The following CACNA2D2 variants were observed in gnomAD, a reference collection of about 807,000 sequenced individuals.
CACNA2D2 encodes the protein voltage-dependent calcium channel subunit alpha-2/delta-2.
Under a neutral mutation model 166.4 loss-of-function variants are expected in CACNA2D2, and 48 were observed. That is an observed-to-expected ratio of 0.29 (90% CI 0.23 to 0.37). The LOEUF (loss-of-function observed/expected upper bound fraction) is 0.37. Ranked by LOEUF, CACNA2D2 falls within the 10% of genes least tolerant of loss-of-function variation. The pLI, the probability that CACNA2D2 is intolerant of heterozygous loss-of-function variation, is 1.00. For synonymous variants in CACNA2D2, 561 were observed against 573.7 expected (o/e 0.98, Z 0.32); for missense variants, 1,122 against 1,433.0 (o/e 0.78, Z 3.50).
chr3:50,372,848 G>T (rs1704730821), intron 22 of CACNA2D2, among the ~76,000 whole-genome samples: 1 of 152,084 alleles, frequency 6.6e-6, no homozygotes, highest in Admixed American at 6.5e-5. Context: ...ACACGCCGGA[G>T]AACACCCTGC....
chr3:50,426,784 A>G (rs1707826179), intron 3 of CACNA2D2, among the ~76,000 whole-genome samples: 1 of 151,984 alleles, frequency 6.6e-6, no homozygotes, highest in Non-Finnish European at 1.5e-5. Flanking sequence ...CCCCAAATCC[A>G]CAAGTCAACC....
intron 4 of CACNA2D2, among the ~76,000 whole-genome samples, chr3:50,392,503 CCCTGTGGTCAGGGCTG>C (rs952879825): frequency 6.6e-6 from 1 of 152,158 alleles, no homozygotes; most frequent in Non-Finnish European, 1.5e-5. Context: ...GCCCAGGTGG[CCCTGTGGTCAGGGCTG>C]CCTGTGGTCA....
At chr3:50,489,364 T>A (rs1042227715) in intron 1 of CACNA2D2, among the ~76,000 whole-genome samples, 7 of 152,162 alleles carry the variant, frequency 4.6e-5, no homozygotes, top group African/African-American at 1.7e-4. Context: ...TGAAACATAC[T>A]TCCCCCCGCG....
intron 23 of CACNA2D2, among the ~76,000 whole-genome samples, chr3:50,368,781 C>T (rs587735554): frequency 6.6e-6 from 1 of 152,302 alleles, no homozygotes; most frequent in South Asian, 2.1e-4. Context: ...ACTGGCTGTT[C>T]CCTCTGCCTG....
intron 2 of CACNA2D2, among the ~76,000 whole-genome samples, chr3:50,454,023 C>T (rs1232085299): frequency 6.6e-6 from 1 of 152,192 alleles, no homozygotes; most frequent in Non-Finnish European, 1.5e-5. Flanking sequence ...GGTGCCTGCT[C>T]TGAATGGCCA....
intron 6 of CACNA2D2, among the ~76,000 whole-genome samples, chr3:50,383,160 G>T (rs1457289990): frequency 1.3e-5 from 2 of 152,244 alleles, no homozygotes; most frequent in South Asian, 2.1e-4. Context: ...TAATTAGTGT[G>T]CCTGCCTGTG....
At chr3:50,423,286 G>A (rs999289701) in intron 3 of CACNA2D2, among the ~76,000 whole-genome samples, 2 of 152,184 alleles carry the variant, frequency 1.3e-5, no homozygotes, top group South Asian at 2.1e-4. Flanking sequence ...TCCTCTCCTC[G>A]GAGGCTGCCA....
chr3:50,460,534 G>A (rs1385871635), intron 2 of CACNA2D2, among the ~76,000 whole-genome samples: 1 of 152,024 alleles, frequency 6.6e-6, no homozygotes, highest in East Asian at 1.9e-4. Flanking sequence ...ATTGTGGCAA[G>A]AATGAAACAA....
chr3:50,468,796 T>A (rs1308794558), intron 2 of CACNA2D2, among the ~76,000 whole-genome samples: 2 of 151,408 alleles, frequency 1.3e-5, no homozygotes, highest in African/African-American at 4.9e-5. Flanking sequence ...TGGCTTTGTA[T>A]GACTCCCTAC....
intron 2 of CACNA2D2, among the ~76,000 whole-genome samples, chr3:50,440,229 G>T (rs976351509): frequency 1.3e-5 from 2 of 152,220 alleles, no homozygotes; most frequent in African/African-American, 2.4e-5. Flanking sequence ...CCCAGGAGGG[G>T]GCTAAGGCCT....
At chr3:50,381,606 C>T (rs1023003754) in intron 6 of CACNA2D2, among the ~76,000 whole-genome samples, 3 of 145,532 alleles carry the variant, frequency 2.1e-5, no homozygotes, top group African/African-American at 7.7e-5. Flanking sequence ...GGAAGCCACT[C>T]AGCTCCATGA....
chr3:50,400,445 C>A (rs1380991218), intron 3 of CACNA2D2, among the ~76,000 whole-genome samples: 1 of 152,268 alleles, frequency 6.6e-6, no homozygotes, highest in Non-Finnish European at 1.5e-5. Context: ...ACAGTGCCTG[C>A]TACATGCATG....
intron 1 of CACNA2D2, among the ~76,000 whole-genome samples, chr3:50,476,929 CTT>C (rs61469495): frequency 2.1e-4 from 29 of 135,190 alleles, no homozygotes; most frequent in African/African-American, 3.2e-4. Context: ...GTTTCTTTTT[CTT>C]TTTTTTTTTT....
At chr3:50,368,065 C>T (rs1370353820) in intron 24 of CACNA2D2, 73 bp downstream of exon 24, 1 of 1,269,490 alleles carries the variant, frequency 7.9e-7, no homozygotes, top group Non-Finnish European at 1.2e-6. Context: ...CCTGCCCGGC[C>T]TCTGGGTTCC....
At chr3:50,402,995 A>G (rs2236957) in intron 3 of CACNA2D2, among the ~76,000 whole-genome samples, 43,888 of 151,938 alleles carry the variant, frequency 0.29, 8,905 homozygotes, top group African/African-American at 0.54. Flanking sequence ...TTCTAGAGAT[A>G]TGTGTGGGCA....
rs1488656141 is a variant in CACNA2D2, at chr3:50,380,760, C to T, written c.830G>A (p.Arg277Gln). The T allele has an allele frequency of 2.6e-6, 4 of 1,544,218 alleles. No individual in the cohort carries two copies. The highest frequency in any genetic ancestry group is 1.4e-5 in the African/African-American group (1 of 72,328). Reference protein sequence around the residue: ...APKKIDLYDVRRRPWYIQGAS... With the variant: ...APKKIDLYDVQRRPWYIQGAS... ...CTTGCTCGCTCACCAGGGTCTCCTT[C>T]GGACATCGTACAGGTCGATCTTCTT... is the stretch of plus-strand genomic sequence containing the variant. Residue 277 changes from arginine to glutamine, a missense_variant, in exon 8 of 38, where the codon CGA becomes CAA. Arg to Gln is a conservative substitution (Grantham distance 43). Around this residue, in one of 2 missense-constraint regions of CACNA2D2, gnomAD observed 840 missense variants for 1,166.8 expected, o/e 0.72. Coordinates refer to ENST00000424201, the MANE Select transcript of CACNA2D2 (RefSeq NM_006030.4). This position sits in a 1 kb window ranked among gnomAD's most constrained non-coding sequence, Gnocchi z 4.9.
At position 50,381,064 on chromosome 3, in the gene CACNA2D2, G is replaced by A. The variant is rs750610434; in HGVS notation, c.715C>T (p.Arg239Cys). ...CACAGCAGTGTGGGGTCTTGTCTGC[G>A]GTTTTCCATGAACACATTCTCCAGG... ...EALENVFMEN[R>C]RQDPTLLWQV... Residue 239 changes from arginine (R) to cysteine (C), a missense_variant, in exon 7 of 38, where the codon CGC (arginine) becomes TGC (cysteine). Arg to Cys is a radical substitution (Grantham distance 180). Around this residue, in one of 2 missense-constraint regions of CACNA2D2, gnomAD observed 840 missense variants for 1,166.8 expected, o/e 0.72. Transcript: ENST00000424201. The A allele has an allele frequency of 2.5e-6, 4 of 1,613,980 alleles. No individual in the cohort carries two copies. Among genetic ancestry groups the A allele is most frequent in the Non-Finnish European group, 1.7e-6 (2 of 1,179,946 alleles).
chr3:50,434,132 T>C (rs1057047818), intron 3 of CACNA2D2, among the ~76,000 whole-genome samples, 181 bp downstream of exon 3: 1 of 152,178 alleles, frequency 6.6e-6, no homozygotes, highest in African/African-American at 2.4e-5. Context: ...CTCCAGATAG[T>C]ATCATCCTGT....
chr3:50,486,799 G>A (rs1027812894), intron 1 of CACNA2D2, among the ~76,000 whole-genome samples: 21 of 152,168 alleles, frequency 1.4e-4, no homozygotes, highest in Non-Finnish European at 2.2e-4. Context: ...CCTGGAGCCT[G>A]GCCAAAAAGA....
Sources: gnomAD v4.1 joint callset for allele counts (sites outside exome capture counted in the v4.1 genomes callset) on GRCh38, gnomAD v4.1.1 for gene constraint, gnomAD v4.1.1 regional missense constraint, Gnocchi (gnomAD v3.1) non-coding constraint, MANE v1.5 for transcripts, NCBI Gene and HGNC (gene_info 2026-07-23, HGNC 2026-07-21) for gene names.